Variants in NRXN1 observed in about 807,000 individuals in gnomAD.
The protein encoded by NRXN1 is neurexin 1, also known as neurexin-1.
In NRXN1, 39 loss-of-function variants were observed where a neutral mutation model predicts 150.9. That is an observed-to-expected ratio of 0.26 (90% confidence interval 0.20 to 0.34). NRXN1 has a LOEUF of 0.34. NRXN1 is among the 10% of genes least tolerant of loss of function. The probability of loss-of-function intolerance (pLI) is 1.00; values close to 1 mark genes in which losing one functional copy is unlikely to be tolerated. For missense variants in NRXN1, 1,815 were observed against 1,949.9 expected (o/e 0.93, Z 1.30); for synonymous variants, 924 against 757.0 (o/e 1.22, Z -3.62).
intron 17 of NRXN1, among the ~76,000 whole-genome samples, chr2:50,334,195 A>G (rs370433040): frequency 1.0e-5 from 1 of 95,376 alleles, no homozygotes; most frequent in Non-Finnish European, 2.0e-5. Context: ...AGGACCAAAT[A>G]TATATATATA....
chr2:50,742,971 G>T (rs566048940), intron 5 of NRXN1, among the ~76,000 whole-genome samples: 1 of 152,196 alleles, frequency 6.6e-6, no homozygotes, highest in Non-Finnish European at 1.5e-5. Context: ...AAGAGACAAT[G>T]TTCAAGGTCA....
chr2:50,568,359 C>T (rs1670176557), intron 8 of NRXN1, among the ~76,000 whole-genome samples: 1 of 152,034 alleles, frequency 6.6e-6, no homozygotes, highest in African/African-American at 2.4e-5. Flanking sequence ...AAGAGACAAC[C>T]CACAGAATGG....
At chr2:49,960,122 C>T (rs1675671686) in intron 21 of NRXN1, among the ~76,000 whole-genome samples, 1 of 152,106 alleles carries the variant, frequency 6.6e-6, no homozygotes, top group Non-Finnish European at 1.5e-5. Flanking sequence ...GGGAGACAGA[C>T]CTTGGAAATT....
At chr2:50,807,157 T>C (rs1667613314) in intron 5 of NRXN1, among the ~76,000 whole-genome samples, 1 of 152,142 alleles carries the variant, frequency 6.6e-6, no homozygotes, top group South Asian at 2.1e-4. Context: ...ACTTCTCTTA[T>C]TTTCTTTATC....
chr2:50,386,290 T>A (rs1312910906), intron 17 of NRXN1, among the ~76,000 whole-genome samples: 1 of 152,082 alleles, frequency 6.6e-6, no homozygotes. Flanking sequence ...AAAGATAAAA[T>A]CTGTAAGTGC....
At chr2:50,410,525 A>T (rs373991368) in intron 17 of NRXN1, among the ~76,000 whole-genome samples, 158 of 152,344 alleles carry the variant, frequency 1.0e-3, no homozygotes, top group African/African-American at 3.5e-3. Context: ...GCAAAGAACT[A>T]TTCACACACT....
intron 18 of NRXN1, among the ~76,000 whole-genome samples, chr2:50,112,242 C>A (rs545607492): frequency 1.3e-5 from 2 of 152,288 alleles, no homozygotes; most frequent in Admixed American, 1.3e-4. Flanking sequence ...ATACTCCTAC[C>A]TCTGCTGTGC....
intron 17 of NRXN1, among the ~76,000 whole-genome samples, chr2:50,371,770 T>C (rs1006515957): frequency 9.8e-6 from 1 of 101,804 alleles, no homozygotes; most frequent in Non-Finnish European, 1.9e-5. Context: ...TGTTGCAATT[T>C]ATAAGATATT....
chr2:50,088,019 T>A (rs1699040071), intron 19 of NRXN1, among the ~76,000 whole-genome samples: 1 of 152,180 alleles, frequency 6.6e-6, no homozygotes, highest in South Asian at 2.1e-4. Flanking sequence ...CCATATATAG[T>A]CTGCTGGTTC....
intron 18 of NRXN1, among the ~76,000 whole-genome samples, chr2:50,162,937 T>C (rs1415567482): frequency 6.6e-6 from 1 of 151,922 alleles, no homozygotes; most frequent in Non-Finnish European, 1.5e-5. Context: ...CACAACTTAC[T>C]ATAACTGCTT....
At chr2:50,491,772 A>AT (rs888012791) in intron 15 of NRXN1, among the ~76,000 whole-genome samples, 1 of 152,122 alleles carries the variant, frequency 6.6e-6, no homozygotes, top group African/African-American at 2.4e-5. Context: ...GGAATCTTTA[A>AT]TTTTCCCCCT....
At chr2:49,926,868 G>A (rs1237826849) in intron 22 of NRXN1, among the ~76,000 whole-genome samples, 1 of 152,180 alleles carries the variant, frequency 6.6e-6, no homozygotes, top group Non-Finnish European at 1.5e-5. Flanking sequence ...TTAGACTTCA[G>A]TACAGACCAG....
intron 5 of NRXN1, among the ~76,000 whole-genome samples, chr2:50,901,279 T>A (rs944771124): frequency 2.0e-5 from 3 of 152,042 alleles, no homozygotes; most frequent in African/African-American, 7.2e-5. Flanking sequence ...CTCACACCTG[T>A]AATCCCAGCA....
intron 15 of NRXN1, among the ~76,000 whole-genome samples, chr2:50,486,010 G>A (rs1476317174): frequency 2.0e-5 from 3 of 152,114 alleles, no homozygotes; most frequent in Non-Finnish European, 4.4e-5. Context: ...TTTAATGAAT[G>A]TTATGTTTTA....
At chr2:50,294,833 A>G (rs930252509) in intron 17 of NRXN1, among the ~76,000 whole-genome samples, 2 of 152,216 alleles carry the variant, frequency 1.3e-5, no homozygotes, top group African/African-American at 4.8e-5. Flanking sequence ...GAGTTACTTT[A>G]TTAAAATACT....
chr2:50,821,274 T>C lies in NRXN1; in HGVS notation c.832+100595A>G, dbSNP rs1559310702. On this transcript the variant is annotated intron_variant, in intron 5 of 22. Transcript: ENST00000401669. ...AAATTCTTAAAGTTTCTTAAAACATTATAGATTTTTTTGCAACATTTTTTA... is the reference window on the plus strand; with the variant it reads ...AAATTCTTAAAGTTTCTTAAAACATCATAGATTTTTTTGCAACATTTTTTA... Among the ~76,000 whole-genome samples the C allele has an allele frequency of 2.0e-5, 3 of 152,280 alleles. No homozygotes were observed. In the South Asian group the frequency reaches 6.2e-4, roughly 32 times the overall value.
At chr2:50,485,405 T>C (rs2090795063) in intron 15 of NRXN1, among the ~76,000 whole-genome samples, 1 of 152,228 alleles carries the variant, frequency 6.6e-6, no homozygotes. Context: ...GCAGTGAGTT[T>C]GTGCTCCTAC....
intron 8 of NRXN1, among the ~76,000 whole-genome samples, chr2:50,577,432 G>T (rs1015278093): frequency 3.3e-5 from 5 of 150,478 alleles, no homozygotes; most frequent in African/African-American, 1.2e-4. Context: ...CTTTATGATT[G>T]ATTTCCCGCA....
intron 18 of NRXN1, among the ~76,000 whole-genome samples, chr2:50,225,782 T>A (rs2064318782): frequency 6.6e-6 from 1 of 151,992 alleles, no homozygotes; most frequent in Admixed American, 6.6e-5. Context: ...TAAAATTATT[T>A]ATGCCCCAAA....
Sources: allele counts gnomAD v4.1 joint callset (sites outside exome capture counted in the v4.1 genomes callset), GRCh38; gene constraint gnomAD v4.1.1; transcripts MANE v1.5; gene names NCBI Gene and HGNC (gene_info 2026-07-23, HGNC 2026-07-21).